The following CACNA1D variants were observed in gnomAD, a reference collection of about 807,000 sequenced individuals.
The protein encoded by CACNA1D is calcium voltage-gated channel subunit alpha1 D.
CACNA1D carries 55 observed loss-of-function variants against 257.1 expected under a neutral mutation model. That is an observed-to-expected ratio of 0.21 (90% CI 0.17 to 0.27). CACNA1D has a LOEUF of 0.27. Ranked by LOEUF, CACNA1D falls within the 10% of genes least tolerant of loss-of-function variation. CACNA1D has a pLI of 1.00. For synonymous variants in CACNA1D, 980 were observed against 1,014.9 expected, an observed-to-expected ratio of 0.97 and a Z score of 0.65; for missense variants, 1,876 against 2,784.0, an observed-to-expected ratio of 0.67 and a Z score of 7.34.
rs774939845 is a variant in CACNA1D, at chr3:53,805,118, G to T, written c.5721G>T (p.Arg1907Ser). The T allele has an allele frequency of 2.5e-6, 4 of 1,613,904 alleles. No homozygotes were observed. Among genetic ancestry groups the T allele is most frequent in the Non-Finnish European group, 3.4e-6 (4 of 1,180,034 alleles). The change falls in exon 45 of 48, where the codon AGG (arginine) becomes AGT (serine). Residue 1907 changes from arginine (R) to serine (S), a missense_variant. Physicochemically the swap from Arg to Ser is moderately radical, Grantham distance 110. Coordinates refer to ENST00000350061, the MANE Select transcript of CACNA1D (RefSeq NM_001128840.3). Reference sequence around the variant, plus strand: ...GCTATGATTCACGGAGATCTCCAAGGAGACGCCTACTACCTCCCACCCCAG... The same window carrying T: ...GCTATGATTCACGGAGATCTCCAAGTAGACGCCTACTACCTCCCACCCCAG... The part of the protein sequence containing the change: ...PVCYDSRRSP[R>S]RRLLPPTPAS...
At position 53,774,744 on chromosome 3, in the gene CACNA1D, A is replaced by G. The variant is rs1471326797; in HGVS notation, c.4202+66A>G. 3.4e-6 allele frequency: 3 copies of G among 877,640 alleles called. No individual in the cohort carries two copies. The Admixed American group carries it at 5.2e-5, about 15-fold the overall frequency. The allele number at this position is 877,640 out of a possible 1,614,324, so 54.4% of individuals were successfully genotyped here. On this transcript the variant is annotated intron_variant, in intron 34 of 47. Coordinates refer to ENST00000350061, the MANE Select transcript of CACNA1D (RefSeq NM_001128840.3). This position sits in a 1 kb window ranked among gnomAD's most constrained non-coding sequence, Gnocchi z 4.3. ...GTCCGCTAGGCGTGGGTCCAGAGGG[A>G]CGGAGGACACAGGTTATTAAAGCAG...
At chr3:53,655,105 A>G (rs1398567628) in intron 4 of CACNA1D, among the ~76,000 whole-genome samples, 1 of 152,170 alleles carries the variant, frequency 6.6e-6, no homozygotes, top group Non-Finnish European at 1.5e-5. Flanking sequence ...TGCTAAGGAT[A>G]ATGGCCTCCA....
At position 53,565,566 on chromosome 3, in the gene CACNA1D, A is replaced by G. The variant is rs539566182; in HGVS notation, c.483+63846A>G. On this transcript the variant is annotated intron_variant, in intron 3 of 47. Transcript: ENST00000350061. ...AGGAGGGAGAAAGGAAAGGAAAATC[A>G]GTCTGGTAGATTACTAGTGTCTTCT... Among the ~76,000 whole-genome samples the G allele has an allele frequency of 3.3e-5, 5 of 152,320 alleles. No homozygotes were observed. The South Asian group carries it at 1.0e-3, about 32-fold the overall frequency.
At chr3:53,636,022 T>C (rs770120920) in intron 3 of CACNA1D, among the ~76,000 whole-genome samples, 8 of 152,300 alleles carry the variant, frequency 5.3e-5, no homozygotes, top group Non-Finnish European at 1.2e-4. Flanking sequence ...TGGGTTTGCT[T>C]CTTGGGTGTC....
intron 9 of CACNA1D, among the ~76,000 whole-genome samples, chr3:53,706,697 G>A (rs2094693087): frequency 6.6e-6 from 1 of 152,080 alleles, no homozygotes; most frequent in South Asian, 2.1e-4. Context: ...TGAAGTCTGG[G>A]CTTTTAGTGT....
chr3:53,599,121 AGG>A (rs2093409528), intron 3 of CACNA1D, among the ~76,000 whole-genome samples: 1 of 152,174 alleles, frequency 6.6e-6, no homozygotes, highest in Non-Finnish European at 1.5e-5. Context: ...TTAATATATC[AGG>A]GTCTTCTGCA....
At chr3:53,730,088 T>A (rs1415423132) in intron 15 of CACNA1D, among the ~76,000 whole-genome samples, 1 of 152,246 alleles carries the variant, frequency 6.6e-6, no homozygotes, top group Non-Finnish European at 1.5e-5. Context: ...ATACCATGTT[T>A]ATGTTATAGA....
intron 8 of CACNA1D, among the ~76,000 whole-genome samples, chr3:53,675,446 T>C (rs1316595046): frequency 2.6e-5 from 4 of 152,228 alleles, no homozygotes; most frequent in Admixed American, 2.6e-4. Flanking sequence ...TCATGTCTCC[T>C]AAACCCAGCT....
chr3:53,614,922 A>G (rs751597351), intron 3 of CACNA1D, among the ~76,000 whole-genome samples: 40 of 152,348 alleles, frequency 2.6e-4, no homozygotes, highest in Non-Finnish European at 1.8e-4. Flanking sequence ...ATAGTCTGTT[A>G]TCTACACACT....
chr3:53,515,900 T>G (rs1428754370), intron 3 of CACNA1D, among the ~76,000 whole-genome samples: 1 of 152,186 alleles, frequency 6.6e-6, no homozygotes, highest in Non-Finnish European at 1.5e-5. Context: ...TCTCAGGCAT[T>G]TAGGCTCTGC....
chr3:53,544,460 C>T (rs1185454121), intron 3 of CACNA1D, among the ~76,000 whole-genome samples: 1 of 152,018 alleles, frequency 6.6e-6, no homozygotes, highest in Non-Finnish European at 1.5e-5. Flanking sequence ...AGATGAAAAC[C>T]TGCAAATCTC....
chr3:53,650,997 A>G, intron 4 of CACNA1D, 79 bp downstream of exon 4: 2 of 1,297,114 alleles, frequency 1.5e-6, no homozygotes, highest in African/African-American at 1.5e-5. Flanking sequence ...GTAACAAAAC[A>G]GTCTTTTTAG....
intron 21 of CACNA1D, among the ~76,000 whole-genome samples, chr3:53,741,474 T>A (rs187971854): frequency 2.6e-5 from 4 of 152,246 alleles, no homozygotes; most frequent in African/African-American, 9.6e-5. Flanking sequence ...TTGGTTTTTT[T>A]ATTTTTTTAT....
chr3:53,538,140 A>ATTT (rs1559808168), intron 3 of CACNA1D, among the ~76,000 whole-genome samples: 4 of 109,004 alleles, frequency 3.7e-5, no homozygotes, highest in East Asian at 2.8e-4. Context: ...CAGTTTTTGA[A>ATTT]GTTTTTTTTT....
At chr3:53,542,966 C>A (rs868082642) in intron 3 of CACNA1D, among the ~76,000 whole-genome samples, 4 of 151,764 alleles carry the variant, frequency 2.6e-5, no homozygotes, top group Non-Finnish European at 5.9e-5. Context: ...GCAGGAGAAT[C>A]GCTTGAACCC....
chr3:53,751,900 C>T lies in CACNA1D; in HGVS notation c.3668C>T (p.Ala1223Val). ...ATCATGCTCAACACACTCTGCTTGG[C>T]CATGCAGGTAAAAATGGAGACAGCC... ...VLIMLNTLCL[A>V]MQHYEQSKMF... Residue 1223 changes from alanine to valine, a missense_variant, in exon 28 of 48, where the codon GCC (alanine) becomes GTC (valine). Physicochemically the swap from Ala to Val is moderately conservative, Grantham distance 64. This residue lies in a region of CACNA1D where 204 missense variants were observed against 309.4 expected (regional missense o/e 0.66). Transcript: ENST00000350061. The surrounding 1 kb of genome is among the most constrained non-coding windows in gnomAD (Gnocchi z 4.3). 1 of 1,614,000 alleles carries T rather than the reference C, an allele frequency of 6.2e-7. No homozygotes were observed. Among genetic ancestry groups the T allele is most frequent in the Middle Eastern group, 1.6e-4 (1 of 6,062 alleles).
intron 9 of CACNA1D, among the ~76,000 whole-genome samples, chr3:53,714,383 C>G (rs183593535): frequency 6.6e-6 from 1 of 152,302 alleles, no homozygotes; most frequent in Admixed American, 6.5e-5. Context: ...CTATGGAAGC[C>G]AGTTAGGAGA....
chr3:53,614,913 T>G (rs568153677), intron 3 of CACNA1D, among the ~76,000 whole-genome samples: 2 of 152,260 alleles, frequency 1.3e-5, no homozygotes, highest in African/African-American at 4.8e-5. Context: ...TCCTGTGGAA[T>G]AGTCTGTTAT....
At chr3:53,804,371 T>C (rs2095551168) in intron 44 of CACNA1D, among the ~76,000 whole-genome samples, 1 of 152,210 alleles carries the variant, frequency 6.6e-6, no homozygotes, top group South Asian at 2.1e-4. Context: ...CTAGGGCTTT[T>C]GCTCACACTG....
Sources: allele counts gnomAD v4.1 joint callset (sites outside exome capture counted in the v4.1 genomes callset), GRCh38; gene constraint gnomAD v4.1.1; regional missense constraint gnomAD v4.1.1; non-coding constraint Gnocchi (gnomAD v3.1); transcripts MANE v1.5; gene names NCBI Gene and HGNC (gene_info 2026-07-23, HGNC 2026-07-21).